The following CCDC91 variants were observed in gnomAD, a reference collection of about 807,000 sequenced individuals.
The protein encoded by CCDC91 is coiled-coil domain containing 91.
CCDC91 carries 48 observed loss-of-function variants against 63.2 expected under a neutral mutation model. The ratio of observed to expected loss-of-function variants is 0.76; its 90% confidence interval spans 0.60 to 0.97. CCDC91 has a LOEUF of 0.97. Ranked by LOEUF, CCDC91 falls within the 50% of genes least tolerant of loss-of-function variation. CCDC91 has a pLI of 0.00. For missense variants in CCDC91, 500 were observed against 494.6 expected, an observed-to-expected ratio of 1.01 and a Z score of -0.10; for synonymous variants, 167 against 165.8, an observed-to-expected ratio of 1.01 and a Z score of -0.06.
At chr12:28,510,236 C>CGTGTGTGTGTGTGTGTGTGTGTGTGTGT (rs567113847) in intron 12 of CCDC91, among the ~76,000 whole-genome samples, 2,039 of 135,972 alleles carry the variant, frequency 0.015, 45 homozygotes, top group Non-Finnish European at 0.021. Context: ...GTCAATAGGG[C>CGTGTGTGTGTGTGTGTGTGTGTGTGTGT]ATGTGTGTGT....
At chr12:28,477,772 A>G (rs906906053) in intron 11 of CCDC91, among the ~76,000 whole-genome samples, 5 of 152,216 alleles carry the variant, frequency 3.3e-5, no homozygotes, top group African/African-American at 1.2e-4. Context: ...AAGTCTCAGG[A>G]TACAAAATCA....
At chr12:28,308,410 C>T (rs1938971036) in intron 6 of CCDC91, among the ~76,000 whole-genome samples, 1 of 151,922 alleles carries the variant, frequency 6.6e-6, no homozygotes, top group South Asian at 2.1e-4. Context: ...ACGTGCAGAC[C>T]ATTCCCCCCA....
At chr12:28,379,973 C>T (rs1055062067) in intron 7 of CCDC91, among the ~76,000 whole-genome samples, 14 of 152,240 alleles carry the variant, frequency 9.2e-5, no homozygotes, top group African/African-American at 3.1e-4. Context: ...GGCACATATA[C>T]ACAATGGAAT....
chr12:28,265,812 G>A (rs139563927), intron 3 of CCDC91, among the ~76,000 whole-genome samples: 174 of 152,098 alleles, frequency 1.1e-3, no homozygotes, highest in African/African-American at 3.9e-3. Flanking sequence ...AAAATTTGAA[G>A]GTGACTTATT....
chr12:28,357,919 A>T (rs1943626562), intron 6 of CCDC91, among the ~76,000 whole-genome samples: 2 of 151,906 alleles, frequency 1.3e-5, no homozygotes. Flanking sequence ...ATTTGGCTTG[A>T]CTCCTTTAAA....
intron 8 of CCDC91, among the ~76,000 whole-genome samples, chr12:28,400,920 G>C (rs1195140595): frequency 6.6e-6 from 1 of 152,158 alleles, no homozygotes; most frequent in African/African-American, 2.4e-5. Context: ...AAGCCATTAA[G>C]TAAGTCTCTC....
At position 28,307,506 on chromosome 12, in the gene CCDC91, T is replaced by C. The variant is rs959777596; in HGVS notation, c.472-139T>C. ...AGAAATTAGAGTGAAGCATATAATT[T>C]ATAATATTGTTAGATTTTAAGCCGT... On this transcript the variant is annotated intron_variant, in intron 5 of 12. Transcript: ENST00000536442. 7.3e-6 allele frequency: 4 copies of C among 547,666 alleles called. No homozygotes were observed. The African/African-American group carries it at 7.9e-5, about 11-fold the overall frequency. The allele number at this position is 547,666 out of a possible 1,614,324, so 33.9% of individuals were successfully genotyped here.
At chr12:28,388,839 C>A (rs1023530403) in intron 7 of CCDC91, among the ~76,000 whole-genome samples, 1 of 152,096 alleles carries the variant, frequency 6.6e-6, no homozygotes, top group African/African-American at 2.4e-5. Flanking sequence ...CATCTCTCAC[C>A]TTATACAAAA....
intron 3 of CCDC91, among the ~76,000 whole-genome samples, chr12:28,291,828 T>C (rs1949269997): frequency 6.6e-6 from 1 of 152,210 alleles, no homozygotes; most frequent in South Asian, 2.1e-4. Flanking sequence ...GACTGTAGAA[T>C]GGTCAACGTT....
At position 28,376,364 on chromosome 12, in the gene CCDC91, C is replaced by A. The variant is rs561960854; in HGVS notation, c.654+13849C>A. Among the ~76,000 whole-genome samples, 3 of 151,636 alleles carry A rather than the reference C, an allele frequency of 2.0e-5. No individual in the cohort carries two copies. The South Asian group carries it at 6.2e-4, about 31-fold the overall frequency. On this transcript the variant is annotated intron_variant, in intron 7 of 12. Transcript: ENST00000536442. ...TTCCATATAAGAAAGATGAAACAAA[C>A]CCTAACAGAAACCAAATGAGTGTAT...
chr12:28,208,698 A>C (rs981331040), intron 1 of CCDC91, among the ~76,000 whole-genome samples: 5 of 152,230 alleles, frequency 3.3e-5, no homozygotes, highest in African/African-American at 1.2e-4. Context: ...AAAAAGGTAA[A>C]AATCTTTACT....
At chr12:28,477,970 A>G (rs1951207731) in intron 11 of CCDC91, among the ~76,000 whole-genome samples, 1 of 152,196 alleles carries the variant, frequency 6.6e-6, no homozygotes, top group South Asian at 2.1e-4. Context: ...AAGGATACAA[A>G]CAAATGGAAC....
In CCDC91 at chr12:28,538,117, G is replaced by A. The variant is rs1460983158; in HGVS notation, c.1216-10946G>A. Among the ~76,000 whole-genome samples the A allele has an allele frequency of 2.5e-5, 3 of 121,018 alleles. No individual in the cohort carries two copies. The East Asian group carries it at 7.5e-4, about 30-fold the overall frequency. 79.4% of individuals were successfully genotyped at this position (121,018 alleles called of 152,430 possible). On this transcript the variant is annotated intron_variant, in intron 12 of 12. Coordinates refer to ENST00000536442, the MANE Select transcript of CCDC91 (RefSeq NM_018318.5). ...TAATTTTAGGGTTTTTTTATTTTTAGGGTTTTTTTTTAAGTTTTAGGGTAC... is the reference window on the plus strand; with the variant it reads ...TAATTTTAGGGTTTTTTTATTTTTAAGGTTTTTTTTTAAGTTTTAGGGTAC...
At chr12:28,538,072 T>C (rs1398747264) in intron 12 of CCDC91, among the ~76,000 whole-genome samples, 2 of 150,158 alleles carry the variant, frequency 1.3e-5, no homozygotes, top group African/African-American at 5.0e-5. Flanking sequence ...TTTCTTTTTT[T>C]TCTTTTTAGG....
intron 8 of CCDC91, among the ~76,000 whole-genome samples, chr12:28,396,510 T>C (rs974991389): frequency 6.6e-6 from 1 of 152,084 alleles, no homozygotes; most frequent in African/African-American, 2.4e-5. Context: ...AATGAGAATG[T>C]TGGTAGCCCA....
chr12:28,391,266 T>C lies in CCDC91; in HGVS notation c.655-38T>C, dbSNP rs1474235275. On this transcript the variant is annotated intron_variant, in intron 7 of 12. Coordinates refer to ENST00000536442, the MANE Select transcript of CCDC91 (RefSeq NM_018318.5). ...CGTGCCAACAGTAGATTCCCAAGTT[T>C]TGTCTGTGATCCAAATGACTTTTTT... is the stretch of plus-strand genomic sequence containing the variant. 7 of 1,274,716 alleles carry C rather than the reference T, an allele frequency of 5.5e-6. No individual in the cohort carries two copies. In the South Asian group the frequency reaches 7.2e-5, roughly 13 times the overall value. The allele number at this position is 1,274,716 out of a possible 1,614,324, so 79.0% of individuals were successfully genotyped here. A position where few individuals can be genotyped will look rare whatever the true frequency, so the allele number is the denominator to read the frequency against.
chr12:28,306,955 C>T lies in CCDC91; in HGVS notation c.471+10C>T, dbSNP rs772457264. 3.5e-5 allele frequency: 54 copies of T among 1,525,394 alleles called. No individual in the cohort carries two copies. Among genetic ancestry groups the T allele is most frequent in the Middle Eastern group, 3.6e-4 (2 of 5,616 alleles). 94.5% of individuals were successfully genotyped at this position (1,525,394 alleles called of 1,614,324 possible). On this transcript the variant is annotated intron_variant, in intron 5 of 12. Transcript: ENST00000536442. ...ACAGAGAATTAAACAGGTATATTTA[C>T]ATTTGCCTAAGAAATGTTTGAATTG...
At chr12:28,439,932 G>A (rs1278913181) in intron 8 of CCDC91, among the ~76,000 whole-genome samples, 4 of 150,158 alleles carry the variant, frequency 2.7e-5, no homozygotes, top group Admixed American at 2.0e-4. Context: ...TAATGTATTA[G>A]TGGGACTCCA....
At chr12:28,355,927 A>G (rs1565847627) in intron 6 of CCDC91, among the ~76,000 whole-genome samples, 1 of 152,160 alleles carries the variant, frequency 6.6e-6, no homozygotes, top group African/African-American at 2.4e-5. Context: ...AATCTTATTA[A>G]GGGCATCCAT....
Sources: allele counts gnomAD v4.1 joint callset (sites outside exome capture counted in the v4.1 genomes callset), GRCh38; gene constraint gnomAD v4.1.1; transcripts MANE v1.5; gene names NCBI Gene and HGNC (gene_info 2026-07-23, HGNC 2026-07-21).